The following TECTB variants were observed in gnomAD, a reference collection of about 807,000 sequenced individuals.
TECTB encodes tectorin beta.
Under a neutral mutation model 43.3 loss-of-function variants are expected in TECTB, and 45 were observed. The ratio of observed to expected loss-of-function variants is 1.04; its 90% CI spans 0.82 to 1.33. The LOEUF is 1.33. TECTB is among the 40% of genes most tolerant of loss of function. The probability of loss-of-function intolerance (pLI) is 0.00; values close to 1 mark genes in which losing one functional copy is unlikely to be tolerated. For synonymous variants in TECTB, 169 were observed against 156.7 expected (o/e 1.08, Z -0.59); for missense variants, 399 against 404.7 (o/e 0.99, Z 0.12).
At chr10:112,288,701 T>G (rs1356422348) in intron 5 of TECTB, among the ~76,000 whole-genome samples, 1 of 152,206 alleles carries the variant, frequency 6.6e-6, no homozygotes, top group Non-Finnish European at 1.5e-5. Context: ...AGCTCTGCCC[T>G]AGATAACACA....
intron 7 of TECTB, among the ~76,000 whole-genome samples, chr10:112,297,706 G>A (rs1037169495): frequency 6.6e-6 from 1 of 152,168 alleles, no homozygotes; most frequent in Admixed American, 6.5e-5. Flanking sequence ...GCTGCACCTG[G>A]TGCCATTGTC....
At chr10:112,286,238 G>A (rs1306211249) in intron 4 of TECTB, 25 bp downstream of exon 4, 2 of 1,614,144 alleles carry the variant, frequency 1.2e-6, no homozygotes, top group East Asian at 2.2e-5. Context: ...GGCATGGAGG[G>A]CTGGCTGCCT....
chr10:112,294,403 T>C (rs1589639507), intron 7 of TECTB, among the ~76,000 whole-genome samples: 1 of 152,308 alleles, frequency 6.6e-6, no homozygotes, highest in African/African-American at 2.4e-5. Flanking sequence ...TGCGTGTGTG[T>C]GCATGTGTGT....
intron 5 of TECTB, among the ~76,000 whole-genome samples, chr10:112,287,640 G>A (rs549173017): frequency 2.6e-5 from 4 of 152,238 alleles, no homozygotes; most frequent in African/African-American, 9.6e-5. Flanking sequence ...AGAGCTGTAA[G>A]GGATCCTAGA....
intron 5 of TECTB, among the ~76,000 whole-genome samples, chr10:112,292,735 C>T (rs75250748): frequency 1.1e-4 from 16 of 152,306 alleles, no homozygotes; most frequent in South Asian, 1.0e-3. Context: ...TGAGCCACAG[C>T]GCCCAGCCAG....
At chr10:112,303,013 A>G in intron 10 of TECTB, 1 of 504,120 alleles carries the variant, frequency 2.0e-6, no homozygotes. Context: ...TAAGTTCTAC[A>G]CTGAAAGCCC....
intron 1 of TECTB, 43 bp from the exon 2 acceptor site, chr10:112,283,605 T>C (rs1848430203): frequency 3.8e-6 from 3 of 798,382 alleles, no homozygotes; most frequent in Non-Finnish European, 6.0e-6. Flanking sequence ...TGCGGCTTTG[T>C]TCTTCCCTTG....
At chr10:112,283,883 T>G (rs1848433303) in intron 2 of TECTB, 73 bp downstream of exon 2, 3 of 1,469,756 alleles carry the variant, frequency 2.0e-6, no homozygotes, top group Non-Finnish European at 2.8e-6. Flanking sequence ...GCTCAGCACT[T>G]CTGTGCTTAA....
At chr10:112,296,203 T>C (rs1279269433) in intron 7 of TECTB, among the ~76,000 whole-genome samples, 1 of 151,670 alleles carries the variant, frequency 6.6e-6, no homozygotes, top group African/African-American at 2.4e-5. Context: ...CCTGGAGAGA[T>C]GGCAGGAGAT....
intron 9 of TECTB, among the ~76,000 whole-genome samples, chr10:112,301,495 A>T (rs1449983926): frequency 6.6e-6 from 1 of 152,164 alleles, no homozygotes; most frequent in African/African-American, 2.4e-5. Context: ...GTTCATGTAG[A>T]TATTGTCTAC....
intron 10 of TECTB, chr10:112,302,954 A>T: frequency 5.2e-6 from 2 of 387,524 alleles, no homozygotes; most frequent in Non-Finnish European, 9.4e-6. Flanking sequence ...TTACAGGAGA[A>T]TCATGTAAAT....
chr10:112,284,845 G>A (rs1354602769), intron 3 of TECTB, 120 bp downstream of exon 3: 2 of 843,966 alleles, frequency 2.4e-6, no homozygotes, highest in Non-Finnish European at 3.3e-6. Flanking sequence ...TTAAAGGTCA[G>A]TCCTGATTCC....
At position 112,286,321 on chromosome 10, in the gene TECTB, T is replaced by G. The variant is rs1848454168; in HGVS notation, c.413T>G (p.Val138Gly). ...LVNQAAFDQRVATVHVKNGSM... is the reference protein window; with the variant it reads ...LVNQAAFDQRGATVHVKNGSM... ...GCAAAATTCTCTCCCCTTTTCAGAG[T>G]GGCCACTGTTCACGTGAAGAACGGG... Residue 138 changes from valine to glycine, a missense_variant and splice_region_variant, in exon 5 of 11, where the codon GTG (valine) becomes GGG (glycine). By Grantham distance (109) the Val-to-Gly change is moderately radical (BLOSUM62 -3). Coordinates refer to ENST00000646139, the MANE Select transcript of TECTB (RefSeq NM_058222.3). 1 of 1,611,862 alleles carries G rather than the reference T, an allele frequency of 6.2e-7. No individual in the cohort carries two copies. The highest frequency in any genetic ancestry group is 8.5e-7 in the Non-Finnish European group (1 of 1,178,090).
rs374718367 is a variant in TECTB, at chr10:112,296,778, G to A, written c.672-1291G>A. ...GTTGTCTGTTTCTGAGGGAAAAGGG[G>A]TGGGGTAGAGAACATCATGAAGGTT... On this transcript the variant is annotated intron_variant, in intron 7 of 10. Transcript: ENST00000646139. Among the ~76,000 whole-genome samples the A allele has an allele frequency of 1.1e-3, 164 of 152,224 alleles. 3 individuals are homozygous for A. In the South Asian group the frequency reaches 0.033, roughly 31 times the overall value.
Position 112,286,336 on chromosome 10 carries a change from T to C in TECTB, c.428T>C (p.Val143Ala). 6.2e-7 allele frequency: 1 copy of C among 1,612,252 alleles called. No individual in the cohort carries two copies. Among genetic ancestry groups the C allele is most frequent in the Non-Finnish European group, 8.5e-7 (1 of 1,178,368 alleles). ...CTTTTCAGAGTGGCCACTGTTCACG[T>C]GAAGAACGGGAGCATGGGCACATTT... Reference protein sequence around the residue: ...AFDQRVATVHVKNGSMGTFES... With the variant: ...AFDQRVATVHAKNGSMGTFES... The change falls in exon 5 of 11, where the codon GTG becomes GCG. Residue 143 changes from valine (V) to alanine (A), a missense_variant. By Grantham distance (64) the Val-to-Ala change is moderately conservative (BLOSUM62 0). Coordinates refer to ENST00000646139, the MANE Select transcript of TECTB (RefSeq NM_058222.3).
Position 112,302,327 on chromosome 10 carries a change from G to C in TECTB, c.940+194G>C, listed in dbSNP as rs866963669. ...CTGACCAGCCCCTGAACTCTGAAGA[G>C]AGGGAGGAACCGAAGGTAAATCGGA... On this transcript the variant is annotated intron_variant, in intron 10 of 10. Coordinates refer to ENST00000646139, the MANE Select transcript of TECTB (RefSeq NM_058222.3). The C allele has an allele frequency of 2.4e-5, 13 of 549,906 alleles. No individual in the cohort carries two copies. In the South Asian group the frequency reaches 2.5e-4, roughly 11 times the overall value. 34.1% of individuals were successfully genotyped at this position (549,906 alleles called of 1,614,324 possible).
At chr10:112,290,363 T>G (rs964354397) in intron 5 of TECTB, among the ~76,000 whole-genome samples, 10 of 152,232 alleles carry the variant, frequency 6.6e-5, no homozygotes, top group African/African-American at 1.9e-4. Context: ...TGGAATAGGT[T>G]TCTAATTTTC....
At chr10:112,301,956 CCACCT>C (rs773946345) in intron 9 of TECTB, 140 bp from the exon 10 acceptor site, 12 of 848,408 alleles carry the variant, frequency 1.4e-5, no homozygotes, top group Admixed American at 2.6e-5. Context: ...AGTGACCCGC[CCACCT>C]GGGCCTCCCA....
rs199966327 is a variant in TECTB at position 112,299,524 on chromosome 10, C to T, written c.867C>T (p.Asp289=). Residue 289 remains aspartate (D), a synonymous_variant, in exon 9 of 11, where the codon GAC becomes GAT. Transcript: ENST00000646139. The part of the protein sequence containing the change: ...TCDKRKRLLR[D]QTGGVLVVEL... ...ATAAACGGAAGCGCCTCCTGCGAGA[C>T]CAGACCGGGGGAGTCCTGGTCGTGG... 6.2e-7 allele frequency: 1 copy of T among 1,614,238 alleles called. No homozygotes were observed. Among genetic ancestry groups the T allele is most frequent in the African/African-American group, 1.3e-5 (1 of 75,070 alleles).
Sources: gnomAD v4.1 joint callset for allele counts (sites outside exome capture counted in the v4.1 genomes callset) on GRCh38, gnomAD v4.1.1 for gene constraint, MANE v1.5 for transcripts, NCBI Gene and HGNC (gene_info 2026-07-23, HGNC 2026-07-21) for gene names.